Variants in C12orf75 observed in about 807,000 individuals in gnomAD.
C12orf75 encodes the protein overexpressed in colon carcinoma 1 protein.
Under a neutral mutation model 11.4 loss-of-function variants are expected in C12orf75, and 4 were observed. The ratio of observed to expected loss-of-function variants is 0.35; its 90% confidence interval spans 0.17 to 0.80. The LOEUF (loss-of-function observed/expected upper bound fraction) is 0.80. Among genes scored for constraint, C12orf75 ranks in the 30% least tolerant of loss-of-function variants. The probability of loss-of-function intolerance (pLI) is 0.52; values close to 1 mark genes in which losing one functional copy is unlikely to be tolerated. For synonymous variants in C12orf75, 30 were observed against 30.0 expected (o/e 1.00, Z 0.00); for missense variants, 89 against 80.4 (o/e 1.11, Z -0.41).
At chr12:105,346,845 A>T (rs1000599335) in intron 1 of C12orf75, among the ~76,000 whole-genome samples, 1 of 152,150 alleles carries the variant, frequency 6.6e-6, no homozygotes, top group Non-Finnish European at 1.5e-5. Context: ...TTATTTTTAC[A>T]CCTCTGTGAC....
chr12:105,346,283 G>T (rs995059396), intron 1 of C12orf75, among the ~76,000 whole-genome samples: 1 of 152,098 alleles, frequency 6.6e-6, no homozygotes, highest in Non-Finnish European at 1.5e-5. Context: ...CCTTGGACAC[G>T]TGTTCTCCAG....
intron 1 of C12orf75, 130 bp downstream of exon 1, chr12:105,331,067 C>G: frequency 1.8e-6 from 1 of 561,450 alleles, no homozygotes; most frequent in East Asian, 3.7e-5. Flanking sequence ...CAGGAGCAGA[C>G]CGCCCGTTTC....
Position 105,367,458 on chromosome 12 carries a change from A to G in C12orf75, c.188-14A>G, listed in dbSNP as rs1191687874. 17 of 822,524 alleles carry G rather than the reference A, an allele frequency of 2.1e-5. 1 individual carries two copies. In the Admixed American group the frequency reaches 4.8e-4, roughly 23 times the overall value. 51.0% of individuals were successfully genotyped at this position (822,524 alleles called of 1,614,324 possible). On this transcript the variant is annotated splice_polypyrimidine_tract_variant and intron_variant, in intron 4 of 5. Coordinates refer to ENST00000443585, the MANE Select transcript of C12orf75 (RefSeq NM_001145199.2). ...TAATCTGAACATTTAACTTTTCTTA[A>G]TTTTCTCTTTAAGATTAGAAGAAAA...
At chr12:105,340,344 C>A (rs559607336) in intron 1 of C12orf75, among the ~76,000 whole-genome samples, 48 of 150,006 alleles carry the variant, frequency 3.2e-4, no homozygotes, top group Non-Finnish European at 5.9e-4. Context: ...AGAATCGCTT[C>A]GACCTGGGAG....
chr12:105,344,929 T>C (rs753905326), intron 1 of C12orf75, among the ~76,000 whole-genome samples: 9 of 151,770 alleles, frequency 5.9e-5, no homozygotes, highest in Middle Eastern at 3.4e-3. Flanking sequence ...TAAAAAGATA[T>C]TATTTTCTTT....
chr12:105,368,326 T>C (rs1281483518), intron 5 of C12orf75, among the ~76,000 whole-genome samples: 1 of 152,156 alleles, frequency 6.6e-6, no homozygotes, highest in Admixed American at 6.5e-5. Flanking sequence ...TTTTGAGGCC[T>C]CCAGTGATTA....
intron 2 of C12orf75, among the ~76,000 whole-genome samples, chr12:105,350,400 A>G (rs1208950086): frequency 6.6e-6 from 1 of 152,202 alleles, no homozygotes; most frequent in East Asian, 1.9e-4. Context: ...TCTTCAGGCC[A>G]CTGTTCTCAG....
intron 1 of C12orf75, among the ~76,000 whole-genome samples, chr12:105,348,363 C>G (rs8181654): frequency 6.7e-6 from 1 of 149,344 alleles, no homozygotes; most frequent in African/African-American, 2.5e-5. Flanking sequence ...TGCAGTGAGC[C>G]GAGATTGCAT....
At chr12:105,356,931 C>T (rs1892789683) in intron 2 of C12orf75, among the ~76,000 whole-genome samples, 1 of 151,970 alleles carries the variant, frequency 6.6e-6, no homozygotes, top group African/African-American at 2.4e-5. Context: ...TGAGGTGTTC[C>T]ATGCAGATAT....
chr12:105,332,892 A>G (rs1892452691), intron 1 of C12orf75, among the ~76,000 whole-genome samples: 1 of 151,392 alleles, frequency 6.6e-6, no homozygotes, highest in Non-Finnish European at 1.5e-5. Flanking sequence ...CTTTTTCCCT[A>G]GGAGCATCTC....
In C12orf75 at chr12:105,366,550, C is replaced by A. The variant is rs60638533; in HGVS notation, c.108-67C>A. The A allele has an allele frequency of 2.4e-3, 1,733 of 722,428 alleles. 23 individuals carry two copies. In the African/African-American group the frequency reaches 0.028, roughly 11 times the overall value. 44.8% of individuals were successfully genotyped at this position (722,428 alleles called of 1,614,324 possible). A position where few individuals can be genotyped will look rare whatever the true frequency, so the allele number is the denominator to read the frequency against. On this transcript the variant is annotated intron_variant, in intron 3 of 5. Transcript: ENST00000443585. ...TAATTATATAATTGTTTGGAGTACT[C>A]CGTGCTTCTGTTGCTTCCTGTAAAT...
Position 105,330,828 on chromosome 12 carries a change from G to T in C12orf75, c.-64G>T. On this transcript the variant is annotated 5_prime_UTR_variant, in exon 1 of 6. Coordinates refer to ENST00000443585, the MANE Select transcript of C12orf75 (RefSeq NM_001145199.2). ...CTCGGGGTGCGCCGCCCTTCGTCTGGGTCTCCGCCCCCAGGACCCGCGGCC... is the reference window on the plus strand; with the variant it reads ...CTCGGGGTGCGCCGCCCTTCGTCTGTGTCTCCGCCCCCAGGACCCGCGGCC... 1.6e-6 allele frequency: 2 copies of T among 1,234,156 alleles called. No homozygotes were observed. Among genetic ancestry groups the T allele is most frequent in the Non-Finnish European group, 2.0e-6 (2 of 989,090 alleles). The allele number at this position is 1,234,156 out of a possible 1,614,324, so 76.5% of individuals were successfully genotyped here.
At position 105,357,797 on chromosome 12, in the gene C12orf75, TGTGTGTGTGTGAGAGA is replaced by T. The variant is rs759105953; in HGVS notation, c.72-8008_72-7993del. The stretch of plus-strand genomic sequence containing the variant: ...TATTTTCTGTGTGTGTGTGTGTGTG[TGTGTGTGTGTGAGAGA>T]GAGAGAGAGAGAGAGAGGAGAGAGA... On this transcript the variant is annotated intron_variant, in intron 2 of 5. Transcript: ENST00000443585. 1.5e-3 allele frequency among the ~76,000 whole-genome samples: 214 copies of T among 146,376 alleles called. 1 individual carries two copies. Among genetic ancestry groups the T allele is most frequent in the Non-Finnish European group, 2.5e-3 (169 of 66,478 alleles).
At chr12:105,350,486 C>T (rs888557293) in intron 2 of C12orf75, among the ~76,000 whole-genome samples, 4 of 152,196 alleles carry the variant, frequency 2.6e-5, no homozygotes, top group South Asian at 2.1e-4. Context: ...GGCCCTTTCC[C>T]TTTCCCTTTC....
intron 1 of C12orf75, among the ~76,000 whole-genome samples, chr12:105,338,152 T>C (rs1316390008): frequency 6.6e-6 from 1 of 152,218 alleles, no homozygotes; most frequent in Non-Finnish European, 1.5e-5. Flanking sequence ...GTACTTCTTA[T>C]ATGGCTGCAT....
intron 1 of C12orf75, among the ~76,000 whole-genome samples, chr12:105,347,677 A>G (rs895927990): frequency 4.6e-5 from 7 of 152,212 alleles, no homozygotes; most frequent in African/African-American, 1.4e-4. Context: ...CCACTGACTC[A>G]AATGTTAATC....
intron 2 of C12orf75, among the ~76,000 whole-genome samples, chr12:105,358,748 CTTATTACACAAGT>C (rs1386034776): frequency 4.6e-5 from 7 of 152,160 alleles, no homozygotes; most frequent in African/African-American, 1.7e-4. Flanking sequence ...GAAAAACAAG[CTTATTACACAAGT>C]TTATTCTTTA....
At chr12:105,364,359 C>T (rs1168040856) in intron 2 of C12orf75, among the ~76,000 whole-genome samples, 1 of 152,180 alleles carries the variant, frequency 6.6e-6, no homozygotes, top group Admixed American at 6.5e-5. Flanking sequence ...GTAAATGAAG[C>T]TGATAACCAT....
At chr12:105,360,180 A>G (rs12425410) in intron 2 of C12orf75, among the ~76,000 whole-genome samples, 9,075 of 152,258 alleles carry the variant, frequency 0.06, 344 homozygotes, top group African/African-American at 0.088. Context: ...TATTCTCACA[A>G]GGCTGGGGAG....
Sources: gnomAD v4.1 joint callset for allele counts (sites outside exome capture counted in the v4.1 genomes callset) on GRCh38, gnomAD v4.1.1 for gene constraint, MANE v1.5 for transcripts, NCBI Gene and HGNC (gene_info 2026-07-23, HGNC 2026-07-21) for gene names.